Variants in PRKAA2 observed in about 807,000 individuals in gnomAD.
PRKAA2 encodes the protein 5'-AMP-activated protein kinase catalytic subunit alpha-2.
In PRKAA2, 40 loss-of-function variants were observed where a neutral mutation model predicts 56.3. The ratio of observed to expected loss-of-function variants is 0.71; its 90% confidence interval spans 0.55 to 0.92. The LOEUF (loss-of-function observed/expected upper bound fraction) is 0.92. Ranked by LOEUF, PRKAA2 falls within the 40% of genes least tolerant of loss-of-function variation. The pLI, the probability that PRKAA2 is intolerant of heterozygous loss-of-function variation, is 0.00. For missense variants in PRKAA2, 542 were observed against 686.9 expected (o/e 0.79, Z 2.36); for synonymous variants, 214 against 234.2 (o/e 0.91, Z 0.79).
At chr1:56,663,775 G>A (rs929208901) in intron 1 of PRKAA2, among the ~76,000 whole-genome samples, 1 of 152,042 alleles carries the variant, frequency 6.6e-6, no homozygotes, top group Non-Finnish European at 1.5e-5. Context: ...AATCTGTGAG[G>A]GTGGTCTGCT....
intron 6 of PRKAA2, among the ~76,000 whole-genome samples, chr1:56,703,280 T>A (rs1644308362): frequency 6.6e-6 from 1 of 152,180 alleles, no homozygotes; most frequent in Non-Finnish European, 1.5e-5. Context: ...TTTACTACAT[T>A]AGAATTAAAA....
intron 1 of PRKAA2, among the ~76,000 whole-genome samples, chr1:56,650,828 A>G (rs1359042948): frequency 2.0e-5 from 3 of 152,226 alleles, no homozygotes; most frequent in Non-Finnish European, 4.4e-5. Context: ...ACTGCTTTCA[A>G]TAAATTAAGT....
rs569005918 is a variant in PRKAA2, at chr1:56,713,058, C to A, written c.*5345C>A. ...ATTATTAGCTTGATAGAGTTTCTCC[C>A]AAACCTTATAAAACTTTGAAATGTA... On this transcript the variant is annotated 3_prime_UTR_variant, in exon 9 of 9. Coordinates refer to ENST00000371244, the MANE Select transcript of PRKAA2 (RefSeq NM_006252.4). 2 of 152,142 alleles carry A rather than the reference C, an allele frequency of 1.3e-5. No individual in the cohort carries two copies. The highest frequency in any genetic ancestry group is 3.9e-4 in the East Asian group (2 of 5,178). 9.4% of individuals were successfully genotyped at this position (152,142 alleles called of 1,614,324 possible). A position where few individuals can be genotyped will look rare whatever the true frequency, so the allele number is the denominator to read the frequency against.
intron 1 of PRKAA2, among the ~76,000 whole-genome samples, chr1:56,651,034 G>A (rs2100378123): frequency 6.6e-6 from 1 of 152,252 alleles, no homozygotes; most frequent in Middle Eastern, 3.4e-3. Context: ...TCCCTTGCTT[G>A]ACTTGTGTGC....
chr1:56,646,863 C>T (rs1473586368), intron 1 of PRKAA2, among the ~76,000 whole-genome samples: 1 of 152,116 alleles, frequency 6.6e-6, no homozygotes, highest in Non-Finnish European at 1.5e-5. Context: ...GCACCTGCAA[C>T]GTGGTAGGCA....
rs941755938 is a variant in PRKAA2 at position 56,708,432 on chromosome 1, T to C, written c.*719T>C. The C allele has an allele frequency of 6.6e-6, 1 of 152,224 alleles. No individual in the cohort carries two copies. Among genetic ancestry groups the C allele is most frequent in the African/African-American group, 2.4e-5 (1 of 41,460 alleles). The allele number at this position is 152,224 out of a possible 1,614,324, so 9.4% of individuals were successfully genotyped here. ...AGTTTCAAATTAATATTGGAACATC[T>C]GGAATTGCAACAACTTTTGTCTTTT... On this transcript the variant is annotated 3_prime_UTR_variant, in exon 9 of 9. Coordinates refer to ENST00000371244, the MANE Select transcript of PRKAA2 (RefSeq NM_006252.4).
intron 1 of PRKAA2, among the ~76,000 whole-genome samples, chr1:56,656,606 G>A (rs1643944770): frequency 6.6e-6 from 1 of 152,124 alleles, no homozygotes; most frequent in Admixed American, 6.5e-5. Context: ...CTTCCTGATG[G>A]GAGGCTTAGA....
In PRKAA2 at chr1:56,674,385, A is replaced by T. The variant is rs1399392805; in HGVS notation, c.99A>T (p.Gly33=). Residue 33 remains glycine, a synonymous_variant, in exon 2 of 9, where the codon GGA becomes GGT. Coordinates refer to ENST00000371244, the MANE Select transcript of PRKAA2 (RefSeq NM_006252.4). ...TTTCCTTTTTCTTTTCTTTAGTTGG[A>T]GAACATCAATTAACAGGCCATAAAG... ...GVGTFGKVKI[G]EHQLTGHKVA... The T allele has an allele frequency of 6.5e-7, 1 of 1,547,500 alleles. No individual in the cohort carries two copies. Among genetic ancestry groups the T allele is most frequent in the Non-Finnish European group, 8.7e-7 (1 of 1,152,626 alleles).
In PRKAA2 at chr1:56,645,415, C is replaced by A; in HGVS notation, c.28C>A (p.Arg10=). The change falls in exon 1 of 9, where the codon CGG becomes AGG. Residue 10 remains arginine (R), a synonymous_variant. Transcript: ENST00000371244. ...GGCTGAGAAGCAGAAGCACGACGGG[C>A]GGGTGAAGATCGGACACTACGTGCT... MAEKQKHDG[R]VKIGHYVLGD... 11 of 1,512,798 alleles carry A rather than the reference C, an allele frequency of 7.3e-6. No individual in the cohort carries two copies. The highest frequency in any genetic ancestry group is 9.8e-6 in the Non-Finnish European group (11 of 1,125,156). The allele number at this position is 1,512,798 out of a possible 1,614,324, so 93.7% of individuals were successfully genotyped here.
chr1:56,665,748 T>C (rs934546812), intron 1 of PRKAA2, among the ~76,000 whole-genome samples: 1 of 152,182 alleles, frequency 6.6e-6, no homozygotes, highest in African/African-American at 2.4e-5. Flanking sequence ...TGTATTATGG[T>C]ATTGTATTGC....
At chr1:56,650,139 T>C (rs545567441) in intron 1 of PRKAA2, among the ~76,000 whole-genome samples, 13 of 152,234 alleles carry the variant, frequency 8.5e-5, no homozygotes, top group Admixed American at 5.9e-4. Context: ...GTTGTTGATA[T>C]ATCAATTTAT....
At chr1:56,672,509 A>T (rs1644084692) in intron 1 of PRKAA2, among the ~76,000 whole-genome samples, 1 of 152,162 alleles carries the variant, frequency 6.6e-6, no homozygotes, top group Non-Finnish European at 1.5e-5. Context: ...GGTCACTGGC[A>T]TATGGGTGAT....
In PRKAA2 at chr1:56,707,337, A is replaced by G; in HGVS notation, c.1421-138A>G. 4.3e-6 allele frequency: 3 copies of G among 695,898 alleles called. No homozygotes were observed. The South Asian group carries it at 5.5e-5, about 13-fold the overall frequency. 43.1% of individuals were successfully genotyped at this position (695,898 alleles called of 1,614,324 possible). A position where few individuals can be genotyped will look rare whatever the true frequency, so the allele number is the denominator to read the frequency against. On this transcript the variant is annotated intron_variant, in intron 8 of 8. Coordinates refer to ENST00000371244, the MANE Select transcript of PRKAA2 (RefSeq NM_006252.4). Reference sequence around the variant, plus strand: ...GAAGGAAGAAGACTGTGTTTCTACAACACAGAAACATGACATTCATTATTA... The same window carrying G: ...GAAGGAAGAAGACTGTGTTTCTACAGCACAGAAACATGACATTCATTATTA...
At chr1:56,674,574 T>G in intron 2 of PRKAA2, 52 bp downstream of exon 2, 1 of 1,317,092 alleles carries the variant, frequency 7.6e-7, no homozygotes, top group Non-Finnish European at 1.0e-6. Flanking sequence ...CTTAAAATGT[T>G]TTTTAGGAAT....
intron 1 of PRKAA2, among the ~76,000 whole-genome samples, chr1:56,657,124 T>C (rs1439776481): frequency 1.3e-5 from 2 of 152,206 alleles, no homozygotes; most frequent in African/African-American, 4.8e-5. Flanking sequence ...TTCCCTTTTC[T>C]TGAGCCTCCC....
intron 2 of PRKAA2, among the ~76,000 whole-genome samples, chr1:56,679,637 G>A (rs1200248914): frequency 6.6e-6 from 1 of 152,028 alleles, no homozygotes; most frequent in Admixed American, 6.6e-5. Flanking sequence ...TTACCATCTT[G>A]CTTGTTGTAC....
chr1:56,691,988 T>C (rs540217702), intron 3 of PRKAA2, among the ~76,000 whole-genome samples: 5 of 151,826 alleles, frequency 3.3e-5, no homozygotes, highest in African/African-American at 1.2e-4. Flanking sequence ...ATATTTAGCC[T>C]AATTATGAAA....
rs1367700831 is a variant in PRKAA2 at position 56,708,484 on chromosome 1, G to A, written c.*771G>A. 6.6e-6 allele frequency: 1 copy of A among 152,158 alleles called. No individual in the cohort carries two copies. The highest frequency in any genetic ancestry group is 1.9e-4 in the East Asian group (1 of 5,194). The allele number at this position is 152,158 out of a possible 1,614,324, so 9.4% of individuals were successfully genotyped here. ...CATAAACTTACGTCATTTAAAAAAT[G>A]TCTTCAAAATCTACCTTTCTCAAAT... On this transcript the variant is annotated 3_prime_UTR_variant, in exon 9 of 9. Coordinates refer to ENST00000371244, the MANE Select transcript of PRKAA2 (RefSeq NM_006252.4).
intron 2 of PRKAA2, among the ~76,000 whole-genome samples, chr1:56,677,840 G>A (rs777243106): frequency 6.6e-6 from 1 of 151,946 alleles, no homozygotes; most frequent in Non-Finnish European, 1.5e-5. Flanking sequence ...ATTTTTTGTA[G>A]AGACAGGCTT....
Sources: allele counts gnomAD v4.1 joint callset (sites outside exome capture counted in the v4.1 genomes callset), GRCh38; gene constraint gnomAD v4.1.1; transcripts MANE v1.5; gene names NCBI Gene and HGNC (gene_info 2026-07-23, HGNC 2026-07-21).